AFF2: variants seen among roughly 807,000 people sequenced by gnomAD.
AFF2 encodes ALF transcription elongation factor 2, also known as AF4/FMR2 family member 2.
Under a neutral mutation model 76.9 loss-of-function variants are expected in AFF2, and 14 were observed. That is an observed-to-expected ratio of 0.18 (90% CI 0.12 to 0.28). The LOEUF is 0.28. Ranked by LOEUF, AFF2 falls within the 10% of genes least tolerant of loss-of-function variation. AFF2 has a pLI of 1.00. For synonymous variants in AFF2, 398 were observed against 366.7 expected, an observed-to-expected ratio of 1.09 and a Z score of -0.98; for missense variants, 868 against 1,001.1, an observed-to-expected ratio of 0.87 and a Z score of 1.79.
intron 9 of AFF2, among the ~76,000 whole-genome samples, chrX:148,946,105 G>A (rs781824260): frequency 2.7e-5 from 3 of 112,218 alleles, no homozygotes; most frequent in Non-Finnish European, 5.6e-5. Context: ...TAGGGGTTGA[G>A]TAAGTTAGAA....
chrX:148,526,474 T>G (rs1410187051), intron 1 of AFF2, among the ~76,000 whole-genome samples: 1 of 108,573 alleles, frequency 9.2e-6, no homozygotes, highest in Non-Finnish European at 1.9e-5. Flanking sequence ...ACTTCCTTAA[T>G]TTCTGGAACA....
At chrX:148,951,933 A>G (rs1242908166) in intron 9 of AFF2, among the ~76,000 whole-genome samples, 2 of 111,730 alleles carry the variant, frequency 1.8e-5, no homozygotes, top group African/African-American at 3.3e-5. Flanking sequence ...TGTAGTTCGC[A>G]TTTACTAAGC....
chrX:148,587,927 T>G (rs1325092059), intron 1 of AFF2, among the ~76,000 whole-genome samples: 2 of 112,683 alleles, frequency 1.8e-5, no homozygotes, highest in Admixed American at 1.9e-4. Flanking sequence ...ATGTCACATG[T>G]AGGTTTGCTG....
chrX:148,651,972 C>T, intron 1 of AFF2, 27 bp from the exon 2 acceptor site: 1 of 1,136,573 alleles, frequency 8.8e-7, no homozygotes, highest in Non-Finnish European at 1.2e-6. Context: ...ATCTTTTTCT[C>T]TTTTTGTCTT....
intron 3 of AFF2, among the ~76,000 whole-genome samples, chrX:148,792,447 C>T (rs1048622708): frequency 2.7e-5 from 3 of 112,489 alleles, no homozygotes; most frequent in Non-Finnish European, 5.6e-5. Context: ...GAGCGAGACT[C>T]CGTCTCCAAA....
intron 3 of AFF2, among the ~76,000 whole-genome samples, chrX:148,777,036 A>G (rs972554649): frequency 1.8e-5 from 2 of 111,770 alleles, no homozygotes; most frequent in Admixed American, 9.5e-5. Flanking sequence ...TTTTGTATAC[A>G]GTTTAAGGAA....
chrX:148,761,944 T>C (rs1557267299), intron 3 of AFF2, among the ~76,000 whole-genome samples: 1 of 105,226 alleles, frequency 9.5e-6, no homozygotes, highest in Non-Finnish European at 2.0e-5. Context: ...TATATGTGTG[T>C]GTGTATGTGT....
intron 7 of AFF2, among the ~76,000 whole-genome samples, chrX:148,874,721 C>T (rs2124107401): frequency 1.8e-5 from 2 of 111,736 alleles, no homozygotes; most frequent in African/African-American, 6.5e-5. Flanking sequence ...AGTGGCCCTC[C>T]CTTTTCTTGA....
intron 3 of AFF2, among the ~76,000 whole-genome samples, chrX:148,693,570 C>G (rs1183615005): frequency 8.9e-6 from 1 of 112,202 alleles, no homozygotes; most frequent in East Asian, 2.8e-4. Flanking sequence ...TCTACCACTT[C>G]TCTCCAGAGT....
intron 1 of AFF2, among the ~76,000 whole-genome samples, chrX:148,598,087 G>A (rs782342424): frequency 6.3e-5 from 7 of 111,917 alleles, no homozygotes; most frequent in Non-Finnish European, 1.3e-4. Flanking sequence ...GTATACAAAT[G>A]CTCATACATC....
chrX:148,661,827 C>A, intron 2 of AFF2, 81 bp from the exon 3 acceptor site: 1 of 948,200 alleles, frequency 1.1e-6, no homozygotes, highest in Non-Finnish European at 1.5e-6. Context: ...CTACTTAGGG[C>A]ATCTGTTTGA....
intron 12 of AFF2, among the ~76,000 whole-genome samples, chrX:148,959,547 GA>G (rs1168431478): frequency 2.7e-5 from 3 of 112,253 alleles, no homozygotes; most frequent in African/African-American, 9.7e-5. Flanking sequence ...GAGATGAAAG[GA>G]AAGAAAAGAT....
chrX:148,694,175 C>CG (rs67194871), intron 3 of AFF2, among the ~76,000 whole-genome samples: 35 of 72,848 alleles, frequency 4.8e-4, no homozygotes, highest in Non-Finnish European at 6.1e-4. Context: ...GTTGTGGGGT[C>CG]GGGGGGGGGG....
intron 7 of AFF2, among the ~76,000 whole-genome samples, chrX:148,861,387 T>A (rs1270331775): frequency 1.8e-5 from 2 of 111,997 alleles, no homozygotes; most frequent in Non-Finnish European, 3.8e-5. Flanking sequence ...TTTTTCTAAA[T>A]CCTTTATCAT....
intron 3 of AFF2, among the ~76,000 whole-genome samples, chrX:148,780,200 T>G (rs890536764): frequency 1.8e-5 from 2 of 111,919 alleles, no homozygotes; most frequent in African/African-American, 3.3e-5. Flanking sequence ...CATTTCAACC[T>G]TGGTGAATCT....
rs2072619938 is a variant in AFF2, at chrX:148,997,628, G to C, written c.*6296G>C. ...AGCTGGCACGATAGCAGGGACTGGG[G>C]GTCTATCCTTTCATGGTATTGCTAC... On this transcript the variant is annotated 3_prime_UTR_variant, in exon 21 of 21. Coordinates refer to ENST00000370460, the MANE Select transcript of AFF2 (RefSeq NM_002025.4). The C allele has an allele frequency of 9.0e-6, 1 of 111,726 alleles. No individual in the cohort carries two copies. Among genetic ancestry groups the C allele is most frequent in the South Asian group, 3.7e-4 (1 of 2,683 alleles). The allele number at this position is 111,726 out of a possible 1,213,427, so 9.2% of individuals were successfully genotyped here.
At chrX:148,506,512 T>C (rs2124185903) in intron 1 of AFF2, among the ~76,000 whole-genome samples, 1 of 111,276 alleles carries the variant, frequency 9.0e-6, no homozygotes, top group East Asian at 2.8e-4. Context: ...GAACAGTCTA[T>C]ATACTGATAC....
chrX:148,654,734 G>A (rs782163046), intron 2 of AFF2, among the ~76,000 whole-genome samples: 1 of 108,967 alleles, frequency 9.2e-6, no homozygotes, highest in South Asian at 4.1e-4. Flanking sequence ...CAAAGCAGGC[G>A]AGGGGAAGGA....
At chrX:148,583,005 G>A (rs1284547241) in intron 1 of AFF2, among the ~76,000 whole-genome samples, 2 of 111,653 alleles carry the variant, frequency 1.8e-5, no homozygotes, top group Non-Finnish European at 3.8e-5. Context: ...GACACAAAAG[G>A]CCACATATTG....
Sources: gnomAD v4.1 joint callset for allele counts (sites outside exome capture counted in the v4.1 genomes callset) on GRCh38, gnomAD v4.1.1 for gene constraint, MANE v1.5 for transcripts, NCBI Gene and HGNC (gene_info 2026-07-23, HGNC 2026-07-21) for gene names.